The following NELL1 variants were observed in gnomAD, a reference collection of about 807,000 sequenced individuals.
NELL1 encodes the protein protein kinase C-binding protein NELL1.
In NELL1, 76 loss-of-function variants were observed where a neutral mutation model predicts 107.4. The observed-to-expected ratio is 0.71, with a 90% CI of 0.59 to 0.86. The LOEUF (loss-of-function observed/expected upper bound fraction) is 0.86. Ranked by LOEUF, NELL1 falls within the 40% of genes least tolerant of loss-of-function variation. The pLI, the probability that NELL1 is intolerant of heterozygous loss-of-function variation, is 0.00. For synonymous variants in NELL1, 353 were observed against 341.2 expected (o/e 1.03, Z -0.38); for missense variants, 1,024 against 1,005.5 (o/e 1.02, Z -0.25).
intron 3 of NELL1, among the ~76,000 whole-genome samples, chr11:20,820,941 A>G (rs941588612): frequency 1.3e-5 from 2 of 152,206 alleles, no homozygotes; most frequent in Non-Finnish European, 2.9e-5. Context: ...CTGTTAGATA[A>G]ACAACTCAAG....
intron 2 of NELL1, among the ~76,000 whole-genome samples, chr11:20,727,512 G>A (rs1391267633): frequency 6.6e-6 from 1 of 152,066 alleles, no homozygotes; most frequent in Non-Finnish European, 1.5e-5. Flanking sequence ...TTGTCAGATG[G>A]GTAGATTGTA....
Position 21,079,227 on chromosome 11 carries a change from T to G in NELL1, c.1301-34362T>G, listed in dbSNP as rs114817460. On this transcript the variant is annotated intron_variant, in intron 12 of 19. Transcript: ENST00000357134. The stretch of plus-strand genomic sequence containing the variant: ...CATATAGACATCATAGATATGAATC[T>G]GTGTTTACTAATAAAACATGAAAAC... Among the ~76,000 whole-genome samples, 1,058 of 152,160 alleles carry G rather than the reference T, an allele frequency of 7.0e-3. 8 individuals are homozygous for G. The highest frequency in any genetic ancestry group is 0.024 in the African/African-American group (1,012 of 41,564).
At chr11:20,904,391 G>T (rs923366851) in intron 5 of NELL1, among the ~76,000 whole-genome samples, 6 of 152,008 alleles carry the variant, frequency 3.9e-5, no homozygotes, top group African/African-American at 1.5e-4. Flanking sequence ...AATATCAAAT[G>T]TACCCAATAC....
intron 4 of NELL1, among the ~76,000 whole-genome samples, chr11:20,854,342 C>G (rs1203015407): frequency 6.6e-6 from 1 of 152,150 alleles, no homozygotes; most frequent in African/African-American, 2.4e-5. Flanking sequence ...CCACCTCTAC[C>G]CTTCTGGGTG....
At chr11:21,166,157 T>C (rs1182990249) in intron 13 of NELL1, among the ~76,000 whole-genome samples, 1 of 151,704 alleles carries the variant, frequency 6.6e-6, no homozygotes, top group African/African-American at 2.4e-5. Context: ...TCTCACTAAT[T>C]TGTGGAAGCT....
chr11:21,383,435 C>T (rs1299187904), intron 15 of NELL1, among the ~76,000 whole-genome samples: 1 of 151,764 alleles, frequency 6.6e-6, no homozygotes, highest in Admixed American at 6.6e-5. Flanking sequence ...CACTTCAGGA[C>T]CTCCTCAGTG....
chr11:21,262,925 T>A (rs190733967), intron 14 of NELL1, among the ~76,000 whole-genome samples: 2 of 152,014 alleles, frequency 1.3e-5, no homozygotes, highest in Non-Finnish European at 2.9e-5. Context: ...TTTTTCAATT[T>A]TTATACTTGT....
At chr11:21,054,631 G>A (rs1053967084) in intron 12 of NELL1, among the ~76,000 whole-genome samples, 2 of 151,906 alleles carry the variant, frequency 1.3e-5, no homozygotes, top group African/African-American at 2.4e-5. Flanking sequence ...TTGTTAATTT[G>A]GTAGGTAAAC....
chr11:21,266,804 T>C (rs1848645600), intron 14 of NELL1, among the ~76,000 whole-genome samples: 2 of 152,032 alleles, frequency 1.3e-5, no homozygotes, highest in Admixed American at 6.6e-5. Flanking sequence ...ATAAGAATTG[T>C]TATAAGGATT....
chr11:20,962,386 T>A (rs1331219865), intron 12 of NELL1, among the ~76,000 whole-genome samples: 1 of 152,234 alleles, frequency 6.6e-6, no homozygotes, highest in Non-Finnish European at 1.5e-5. Flanking sequence ...TTTTCCTATA[T>A]GCAGGGATAG....
chr11:20,921,361 G>C (rs1322019150), intron 7 of NELL1, among the ~76,000 whole-genome samples: 1 of 152,018 alleles, frequency 6.6e-6, no homozygotes, highest in Non-Finnish European at 1.5e-5. Context: ...ACAATCCTTT[G>C]AGCTTGCTTT....
chr11:21,383,669 A>G (rs964971142), intron 15 of NELL1: 5 of 99,634 alleles, frequency 5.0e-5, no homozygotes, highest in South Asian at 3.6e-4. Flanking sequence ...TTATATATGT[A>G]TATATATATA....
chr11:20,865,638 G>A (rs1218020305), intron 4 of NELL1, among the ~76,000 whole-genome samples: 1 of 152,114 alleles, frequency 6.6e-6, no homozygotes, highest in Non-Finnish European at 1.5e-5. Flanking sequence ...TCTTCACTGT[G>A]GGGTCACCTT....
chr11:21,298,784 A>ACAGCAG (rs901307712), intron 14 of NELL1, among the ~76,000 whole-genome samples: 5 of 151,972 alleles, frequency 3.3e-5, no homozygotes, highest in Non-Finnish European at 7.4e-5. Context: ...AAGTAAATAA[A>ACAGCAG]CAGCAGCAGC....
chr11:21,270,241 A>G (rs1391351797), intron 14 of NELL1, among the ~76,000 whole-genome samples: 1 of 152,122 alleles, frequency 6.6e-6, no homozygotes, highest in Non-Finnish European at 1.5e-5. Flanking sequence ...TAAAAGATAC[A>G]GAATATCAGA....
intron 12 of NELL1, among the ~76,000 whole-genome samples, chr11:21,016,677 C>T (rs1259975686): frequency 6.6e-6 from 1 of 152,080 alleles, no homozygotes; most frequent in African/African-American, 2.4e-5. Context: ...CATGTCCTAT[C>T]CTTGTTAAAC....
At chr11:21,179,197 A>G (rs1216733741) in intron 13 of NELL1, among the ~76,000 whole-genome samples, 3 of 151,916 alleles carry the variant, frequency 2.0e-5, no homozygotes, top group Non-Finnish European at 4.4e-5. Flanking sequence ...GGCTGGAGCT[A>G]GATTCTGAAA....
intron 14 of NELL1, among the ~76,000 whole-genome samples, chr11:21,273,861 T>C (rs1412258883): frequency 6.6e-6 from 1 of 152,160 alleles, no homozygotes; most frequent in Non-Finnish European, 1.5e-5. Context: ...CTGAGAGATT[T>C]TGTCACCACC....
chr11:20,689,577 T>C (rs1854402961), intron 2 of NELL1, among the ~76,000 whole-genome samples: 1 of 149,920 alleles, frequency 6.7e-6, no homozygotes. Context: ...AGAATGATGA[T>C]TTCCAATTGC....
Sources: gnomAD v4.1 joint callset for allele counts (sites outside exome capture counted in the v4.1 genomes callset) on GRCh38, gnomAD v4.1.1 for gene constraint, MANE v1.5 for transcripts, NCBI Gene and HGNC (gene_info 2026-07-23, HGNC 2026-07-21) for gene names.